The following FLG variants were observed in gnomAD, a reference collection of about 807,000 sequenced individuals.
The protein encoded by FLG is epidermal filaggrin.
In FLG, 6 loss-of-function variants were observed where a neutral mutation model predicts 3.8. The ratio of observed to expected loss-of-function variants is 1.60; its 90% CI spans 0.87 to 3.15. The LOEUF (loss-of-function observed/expected upper bound fraction) is 3.15, where lower values mean the gene tolerates loss of function less well. FLG is among the 30% of genes most tolerant of loss of function. The pLI, the probability that FLG is intolerant of heterozygous loss-of-function variation, is 0.00. For missense variants in FLG, 7,595 were observed against 5,050.9 expected, an observed-to-expected ratio of 1.50 and a Z score of -15.27; for synonymous variants, 2,551 against 1,931.6, an observed-to-expected ratio of 1.32 and a Z score of -8.41.
chr1:152,324,715 C>T (rs1412769986), intron 1 of FLG, among the ~76,000 whole-genome samples: 2 of 151,680 alleles, frequency 1.3e-5, no homozygotes, highest in Non-Finnish European at 2.9e-5. Flanking sequence ...ATGTGTGGCC[C>T]AAGACAATTC....
chr1:152,319,138 G>A (rs1384654782), intron 1 of FLG, among the ~76,000 whole-genome samples: 1 of 151,560 alleles, frequency 6.6e-6, no homozygotes, highest in African/African-American at 2.4e-5. Flanking sequence ...GATACAGACG[G>A]GTCAGATAAT....
At chr1:152,316,830 A>G (rs1354407358) in intron 1 of FLG, among the ~76,000 whole-genome samples, 1 of 151,930 alleles carries the variant, frequency 6.6e-6, no homozygotes, top group Non-Finnish European at 1.5e-5. Context: ...ATTATGTTTA[A>G]TCTCCCCAAA....
chr1:152,323,910 A>G (rs1653061431), intron 1 of FLG, among the ~76,000 whole-genome samples: 1 of 151,844 alleles, frequency 6.6e-6, no homozygotes, highest in African/African-American at 2.4e-5. Context: ...TGGATGAATA[A>G]ATTGTTATAT....
In FLG at chr1:152,312,710, C is replaced by G. The variant is rs139749779; in HGVS notation, c.2176G>C (p.Gly726Arg). 1.7e-4 allele frequency: 271 copies of G among 1,613,842 alleles called. 4 individuals carry two copies. The African/African-American group carries it at 3.2e-3, about 19-fold the overall frequency. The change falls in exon 3 of 3, where the codon GGG becomes CGG. Residue 726 changes from glycine to arginine, a missense_variant. Physicochemically the swap from Gly to Arg is moderately radical, Grantham distance 125. Coordinates refer to ENST00000368799, the MANE Select transcript of FLG (RefSeq NM_002016.2). ...SADSSRHSGT[G>R]HGQASSAVRD... ...ACTGCAGATGAAGCTTGTCCGTGCC[C>G]AGTGCCTGAGTGTCTGGAGCTGTCT...
chr1:152,309,129 G>A lies in FLG; in HGVS notation c.5757C>T (p.Ser1919=), dbSNP rs2101644557. The part of the protein sequence containing the change: ...RTSRNQGSSV[S]QDSDSQGHSE... Reference sequence around the variant, plus strand: ...AGTGTCCCTGACTGTCACTGTCCTGGCTAACACTGGATCCCTGGTTCCTGC... The same window carrying A: ...AGTGTCCCTGACTGTCACTGTCCTGACTAACACTGGATCCCTGGTTCCTGC... Residue 1919 remains serine (S), a synonymous_variant, in exon 3 of 3, where the codon AGC becomes AGT. Coordinates refer to ENST00000368799, the MANE Select transcript of FLG (RefSeq NM_002016.2). 1.7e-5 allele frequency: 27 copies of A among 1,613,744 alleles called. No homozygotes were observed. The highest frequency in any genetic ancestry group is 2.7e-5 in the African/African-American group (2 of 75,018).
chr1:152,310,056 C>G lies in FLG; in HGVS notation c.4830G>C (p.Arg1610=). ...AATGGTTTCTGGAAGCCGACTCAGA[C>G]CGCCTCTCAGAGTCTTCTGAGTGTC... ...SEGHSEDSER[R]SESASRNHYG... The change falls in exon 3 of 3, where the codon CGG becomes CGC. Residue 1610 remains arginine (R), a synonymous_variant. Transcript: ENST00000368799. 1 of 1,614,018 alleles carries G rather than the reference C, an allele frequency of 6.2e-7. No individual in the cohort carries two copies. The highest frequency in any genetic ancestry group is 1.3e-5 in the African/African-American group (1 of 74,972).
In FLG at chr1:152,310,157, C is replaced by T. The variant is rs751823232; in HGVS notation, c.4729G>A (p.Gly1577Ser). The T allele has an allele frequency of 1.2e-6, 2 of 1,613,772 alleles. No individual in the cohort carries two copies. The highest frequency in any genetic ancestry group is 1.7e-5 in the Admixed American group (1 of 59,980). The part of the protein sequence containing the change: ...RAGSSRHSQV[G>S]QGESAGSKTS... ...TTGGACCCCGCTGATTCTCCCTGGC[C>T]CACCTGTGAGTGTCTAGAGCTGCCG... Residue 1577 changes from glycine to serine, a missense_variant, in exon 3 of 3, where the codon GGC becomes AGC. Transcript: ENST00000368799.
At position 152,309,352 on chromosome 1, in the gene FLG, T is replaced by A. The variant is rs1652225270; in HGVS notation, c.5534A>T (p.His1845Leu). The change falls in exon 3 of 3, where the codon CAC becomes CTC. Residue 1845 changes from histidine (H) to leucine (L), a missense_variant. Physicochemically the swap from His to Leu is moderately conservative, Grantham distance 99. Transcript: ENST00000368799. ...ATCAGACCTTTCCTGGGACGTGGTG[T>A]GGCTGTGATGAGACCCTGAGTGTCC... ...SSGHSGSHHS[H>L]TTSQERSDVS... 4 of 1,613,860 alleles carry A rather than the reference T, an allele frequency of 2.5e-6. No homozygotes were observed. The highest frequency in any genetic ancestry group is 2.5e-6 in the Non-Finnish European group (3 of 1,179,986).
At position 152,314,289 on chromosome 1, in the gene FLG, C is replaced by T. The variant is rs1198759009; in HGVS notation, c.597G>A (p.Arg199=). The stretch of plus-strand genomic sequence containing the variant: ...CTTTCTCTTCAAGTCTTTCACTTAG[C>T]CTCTTCCTATTGTCTCCTAATCTAG... ...ENTRLGDNRK[R]LSERLEEKED... Residue 199 remains arginine, a synonymous_variant, in exon 3 of 3, where the codon AGG becomes AGA. Transcript: ENST00000368799. 2 of 1,613,300 alleles carry T rather than the reference C, an allele frequency of 1.2e-6. No individual in the cohort carries two copies. The highest frequency in any genetic ancestry group is 1.7e-6 in the Non-Finnish European group (2 of 1,179,842).
chr1:152,309,612 C>A lies in FLG; in HGVS notation c.5274G>T (p.Arg1758Ser). Residue 1758 changes from arginine to serine, a missense_variant, in exon 3 of 3, where the codon AGG (arginine) becomes AGT (serine). Physicochemically the swap from Arg to Ser is moderately radical, Grantham distance 110. Coordinates refer to ENST00000368799, the MANE Select transcript of FLG (RefSeq NM_002016.2). ...AGAGGAAAGACCCTGAACGTCCAGACCTTTCCCCTGACTGGCCACGTGTGG... is the reference window on the plus strand; with the variant it reads ...AGAGGAAAGACCCTGAACGTCCAGAACTTTCCCCTGACTGGCCACGTGTGG... The part of the protein sequence containing the change: ...QESTRGQSGE[R>S]SGRSGSFLYQ... The A allele has an allele frequency of 6.2e-7, 1 of 1,613,744 alleles. No individual in the cohort carries two copies. The highest frequency in any genetic ancestry group is 8.5e-7 in the Non-Finnish European group (1 of 1,179,924).
Position 152,306,250 on chromosome 1 carries a change from T to G in FLG, c.8636A>C (p.Glu2879Ala), listed in dbSNP as rs2101639318. 6.2e-7 allele frequency: 1 copy of G among 1,605,140 alleles called. No individual in the cohort carries two copies. The highest frequency in any genetic ancestry group is 8.5e-7 in the Non-Finnish European group (1 of 1,180,016). Residue 2879 changes from glutamate (E) to alanine (A), a missense_variant, in exon 3 of 3, where the codon GAG becomes GCG. Physicochemically the swap from Glu to Ala is moderately radical, Grantham distance 107 (BLOSUM62 -1). Coordinates refer to ENST00000368799, the MANE Select transcript of FLG (RefSeq NM_002016.2). The stretch of plus-strand genomic sequence containing the variant: ...CTGGCGCCTGCTTCTCCTGGACCCC[T>G]CTGATTGTCCCTGGACTGCCTGTGA... ...RHSQAVQGQS[E>A]GSRRSRRQGS...
Position 152,314,750 on chromosome 1 carries a change from G to A in FLG, c.139-3C>T, listed in dbSNP as rs1028911515. On this transcript the variant is annotated splice_region_variant and splice_polypyrimidine_tract_variant and intron_variant, in intron 2 of 2. Coordinates refer to ENST00000368799, the MANE Select transcript of FLG (RefSeq NM_002016.2). Reference sequence around the variant, plus strand: ...ACCATATCTGGGTCATCTGGATTCTGTACAGAGGGAAGTCACAGAGGGAGA... The same window carrying A: ...ACCATATCTGGGTCATCTGGATTCTATACAGAGGGAAGTCACAGAGGGAGA... 1.2e-5 allele frequency: 19 copies of A among 1,613,700 alleles called. No individual in the cohort carries two copies. Among genetic ancestry groups the A allele is most frequent in the Non-Finnish European group, 1.6e-5 (19 of 1,179,666 alleles).
chr1:152,308,650 T>C lies in FLG; in HGVS notation c.6236A>G (p.Gln2079Arg), dbSNP rs201446270. Residue 2079 changes from glutamine (Q) to arginine (R), a missense_variant, in exon 3 of 3, where the codon CAG (glutamine) becomes CGG (arginine). Gln to Arg is a conservative substitution (Grantham distance 43). Transcript: ENST00000368799. Reference protein sequence around the residue: ...QQSHKESARGQSGESSGRSGS... With the variant: ...QQSHKESARGRSGESSGRSGS... ...TGAACGTCCAGAGCTTTCCCCTGAC[T>C]GGCCACGTGCGGACTCTTTGTGGCT... 42 of 1,614,040 alleles carry C rather than the reference T, an allele frequency of 2.6e-5. No individual in the cohort carries two copies. The highest frequency in any genetic ancestry group is 2.5e-4 in the Admixed American group (15 of 60,002).
Position 152,315,369 on chromosome 1 carries a change from T to A in FLG, c.88A>T (p.Lys30Ter), listed in dbSNP as rs1652749009. 1 of 1,613,424 alleles carries A rather than the reference T, an allele frequency of 6.2e-7. No homozygotes were observed. Reference sequence around the variant, plus strand: ...TCCAGAAGTTCCTTCAGCTCTTTTTTACTCAATGTGTCAGTGTTTTTATCT... The same window carrying A: ...TCCAGAAGTTCCTTCAGCTCTTTTTAACTCAATGTGTCAGTGTTTTTATCT... ...KKDKNTDTLS[K>*]KELKELLEKE... is the part of the protein sequence containing the mutation. Residue 30 changes from lysine to a stop codon, truncating the protein, a stop_gained, in exon 2 of 3, where the codon AAA becomes TAA. Coordinates refer to ENST00000368799, the MANE Select transcript of FLG (RefSeq NM_002016.2). LOFTEE classifies it low-confidence loss of function (END_TRUNC).
rs2101652925 is a variant in FLG at position 152,314,076 on chromosome 1, T to C, written c.810A>G (p.Gln270=). 6.2e-7 allele frequency: 1 copy of C among 1,614,226 alleles called. No individual in the cohort carries two copies. The highest frequency in any genetic ancestry group is 8.5e-7 in the Non-Finnish European group (1 of 1,180,028). The change falls in exon 3 of 3, where the codon CAA becomes CAG. Residue 270 remains glutamine (Q), a synonymous_variant. Coordinates refer to ENST00000368799, the MANE Select transcript of FLG (RefSeq NM_002016.2). ...SRSSDGKSSS[Q]VNRSRHENTS... is the part of the protein sequence containing the mutation. ...TATTTTCATGTCTTGACCTGTTCACTTGAGATGATGATTTGCCATCAGATG... is the reference window on the plus strand; with the variant it reads ...TATTTTCATGTCTTGACCTGTTCACCTGAGATGATGATTTGCCATCAGATG...
intron 1 of FLG, among the ~76,000 whole-genome samples, chr1:152,321,353 A>T (rs1273150326): frequency 6.6e-6 from 1 of 151,090 alleles, no homozygotes; most frequent in Non-Finnish European, 1.5e-5. Flanking sequence ...TTAATAAAAG[A>T]GAAAGAAAAT....
chr1:152,310,506 G>A lies in FLG; in HGVS notation c.4380C>T (p.Pro1460=), dbSNP rs770501167. 2.7e-5 allele frequency: 43 copies of A among 1,613,390 alleles called. No individual in the cohort carries two copies. Among genetic ancestry groups the A allele is most frequent in the African/African-American group, 5.4e-5 (4 of 74,690 alleles). ...GGGATCCTTGTCTTCCTCCAGTGCT[G>A]GGTGCAGTCTGTCCGTGTGTGGACT... ...QSESTHGQTA[P]STGGRQGSRH... Residue 1460 remains proline (P), a synonymous_variant, in exon 3 of 3, where the codon CCC becomes CCT. Coordinates refer to ENST00000368799, the MANE Select transcript of FLG (RefSeq NM_002016.2).
chr1:152,308,586 A>G lies in FLG; in HGVS notation c.6300T>C (p.Ser2100=), dbSNP rs1279394654. Reference sequence around the variant, plus strand: ...GCGCAGACTGTCCATGGGTGGACTCAGACTGTTCATGAGTGCTCACCTGGT... The same window carrying G: ...GCGCAGACTGTCCATGGGTGGACTCGGACTGTTCATGAGTGCTCACCTGGT... ...FLYQVSTHEQ[S]ESTHGQSAPS... is the part of the protein sequence containing the mutation. The change falls in exon 3 of 3, where the codon TCT becomes TCC. Residue 2100 remains serine, a synonymous_variant. Transcript: ENST00000368799. The G allele has an allele frequency of 6.2e-7, 1 of 1,613,930 alleles. No individual in the cohort carries two copies. The highest frequency in any genetic ancestry group is 8.5e-7 in the Non-Finnish European group (1 of 1,179,976).
At position 152,311,225 on chromosome 1, in the gene FLG, G is replaced by A. The variant is rs552832261; in HGVS notation, c.3661C>T (p.Arg1221Cys). The A allele has an allele frequency of 1.5e-5, 24 of 1,613,312 alleles. No homozygotes were observed. In the East Asian group the frequency reaches 2.5e-4, roughly 17 times the overall value. The change falls in exon 3 of 3, where the codon CGT (arginine) becomes TGT (cysteine). Residue 1221 changes from arginine (R) to cysteine (C), a missense_variant. Physicochemically the swap from Arg to Cys is radical, Grantham distance 180. Transcript: ENST00000368799. ...CCGTCTCCTGATTGTTTGTCCTTAC[G>A]AGTTTGTCTGCTTGCACTTCTGGAT... Reference protein sequence around the residue: ...SGSRSASRQTRKDKQSGDGSR... With the variant: ...SGSRSASRQTCKDKQSGDGSR...
Sources: allele counts gnomAD v4.1 joint callset (sites outside exome capture counted in the v4.1 genomes callset), GRCh38; gene constraint gnomAD v4.1.1; transcripts MANE v1.5; gene names NCBI Gene and HGNC (gene_info 2026-07-23, HGNC 2026-07-21).